The following CTNND2 variants were observed in gnomAD, a reference collection of about 807,000 sequenced individuals.
CTNND2 encodes catenin delta 2, also known as catenin delta-2.
CTNND2 carries 22 observed loss-of-function variants against 144.4 expected under a neutral mutation model. That is an observed-to-expected ratio of 0.15 (90% confidence interval 0.11 to 0.22). CTNND2 has a LOEUF of 0.22. Among genes scored for constraint, CTNND2 ranks in the 10% least tolerant of loss-of-function variants. The pLI is 1.00. For synonymous variants in CTNND2, 751 were observed against 695.6 expected (o/e 1.08, Z -1.25); for missense variants, 1,353 against 1,618.8 (o/e 0.84, Z 2.82).
chr5:11,440,958 T>C (rs1581201815), intron 3 of CTNND2, among the ~76,000 whole-genome samples: 1 of 152,206 alleles, frequency 6.6e-6, no homozygotes, highest in Non-Finnish European at 1.5e-5. Context: ...CTTAGTATCT[T>C]TCACAAAGAG....
intron 9 of CTNND2, among the ~76,000 whole-genome samples, chr5:11,260,595 G>T (rs1203459440): frequency 6.6e-6 from 1 of 152,024 alleles, no homozygotes; most frequent in Non-Finnish European, 1.5e-5. Context: ...CAGTCGAAGG[G>T]GAAAAGGCAA....
intron 3 of CTNND2, among the ~76,000 whole-genome samples, chr5:11,551,551 G>A (rs866899711): frequency 5.4e-5 from 8 of 146,920 alleles, no homozygotes; most frequent in African/African-American, 1.8e-4. Flanking sequence ...CTGAGTAGCC[G>A]GTAACTACAG....
intron 3 of CTNND2, among the ~76,000 whole-genome samples, chr5:11,497,714 TA>T (rs1770110373): frequency 6.6e-6 from 1 of 152,056 alleles, no homozygotes; most frequent in South Asian, 2.1e-4. Context: ...CTAGTGTGTA[TA>T]AGTCAGAAAT....
intron 16 of CTNND2, among the ~76,000 whole-genome samples, chr5:11,033,406 A>G (rs1469685702): frequency 6.6e-6 from 1 of 152,214 alleles, no homozygotes; most frequent in Admixed American, 6.5e-5. Context: ...AGACTGATAA[A>G]TGGAGCTCCC....
At chr5:11,136,445 G>GA (rs1561365326) in intron 12 of CTNND2, among the ~76,000 whole-genome samples, 1 of 150,024 alleles carries the variant, frequency 6.7e-6, no homozygotes, top group Admixed American at 6.6e-5. Flanking sequence ...AGGCAAGAAT[G>GA]AAAAAAGGAG....
chr5:11,354,671 C>T (rs80176329), intron 8 of CTNND2, among the ~76,000 whole-genome samples: 7,480 of 152,134 alleles, frequency 0.049, 420 homozygotes, highest in African/African-American at 0.14. Flanking sequence ...AACTTCAACC[C>T]CCCTTTAAGT....
intron 15 of CTNND2, among the ~76,000 whole-genome samples, chr5:11,093,854 G>C (rs1269666801): frequency 6.6e-6 from 1 of 151,994 alleles, no homozygotes; most frequent in African/African-American, 2.4e-5. Flanking sequence ...TTAAAAGTAA[G>C]GATTTATCTG....
intron 3 of CTNND2, among the ~76,000 whole-genome samples, chr5:11,485,374 T>TGCGCGC (rs141291357): frequency 7.1e-6 from 1 of 140,520 alleles, no homozygotes; most frequent in Non-Finnish European, 1.6e-5. Flanking sequence ...TGTGTGTGTG[T>TGCGCGC]GCGCGCGCGC....
At chr5:11,280,500 G>C (rs542557578) in intron 9 of CTNND2, among the ~76,000 whole-genome samples, 130 of 152,270 alleles carry the variant, frequency 8.5e-4, no homozygotes, top group African/African-American at 3.1e-3. Context: ...TCACATGATG[G>C]AGAGAGATCA....
chr5:11,803,637 C>G (rs929970744), intron 1 of CTNND2, among the ~76,000 whole-genome samples: 5 of 152,200 alleles, frequency 3.3e-5, no homozygotes, highest in African/African-American at 1.2e-4. Context: ...GTGACTCACA[C>G]AGCTCACGTT....
intron 3 of CTNND2, among the ~76,000 whole-genome samples, chr5:11,563,348 T>C (rs1302834052): frequency 6.6e-6 from 1 of 152,216 alleles, no homozygotes; most frequent in African/African-American, 2.4e-5. Context: ...CTATAAAATC[T>C]GGCAGGCTTA....
At chr5:11,838,218 A>G (rs542135744) in intron 1 of CTNND2, among the ~76,000 whole-genome samples, 2 of 152,218 alleles carry the variant, frequency 1.3e-5, no homozygotes, top group African/African-American at 4.8e-5. Context: ...CTCCACATTC[A>G]GGCCTTTTGT....
At chr5:11,847,189 T>C (rs1227501894) in intron 1 of CTNND2, among the ~76,000 whole-genome samples, 2 of 139,186 alleles carry the variant, frequency 1.4e-5, no homozygotes, top group Non-Finnish European at 3.1e-5. Context: ...CACCCATGTT[T>C]ACTACAGCAG....
Position 11,110,831 on chromosome 5 carries a change from C to T in CTNND2, c.2463+27G>A, listed in dbSNP as rs760961687. 50 of 1,597,530 alleles carry T rather than the reference C, an allele frequency of 3.1e-5. No homozygotes were observed. The East Asian group carries it at 1.1e-3, about 35-fold the overall frequency. ...GTTGCAATTAGGAAGGGGATAATTG[C>T]ATGCAGCTGCAAGCAGCCTGCATCA... On this transcript the variant is annotated intron_variant, in intron 14 of 21. Coordinates refer to ENST00000304623, the MANE Select transcript of CTNND2 (RefSeq NM_001332.4).
rs755277116 is a variant in CTNND2, at chr5:11,600,705, CAAAAAAAA to C, written c.175-35657_175-35650del. 1.9e-4 allele frequency among the ~76,000 whole-genome samples: 15 copies of C among 80,596 alleles called. 1 individual carries two copies. The highest frequency in any genetic ancestry group is 6.8e-4 in the African/African-American group (14 of 20,604). 52.9% of individuals were successfully genotyped at this position (80,596 alleles called of 152,430 possible). A position where few individuals can be genotyped will look rare whatever the true frequency, so the allele number is the denominator to read the frequency against. ...TGGGCAACAGAGCAAGATTCTGTCT[CAAAAAAAA>C]AAAAAAAAAAAAAATGAAGACTAGC... On this transcript the variant is annotated intron_variant, in intron 2 of 21. Transcript: ENST00000304623.
intron 12 of CTNND2, among the ~76,000 whole-genome samples, chr5:11,130,340 G>C (rs776611909): frequency 1.1e-4 from 17 of 152,088 alleles, no homozygotes; most frequent in Non-Finnish European, 2.2e-4. Context: ...ACACTGCACC[G>C]TTTTAAGACT....
At chr5:11,314,521 C>T (rs1751307002) in intron 9 of CTNND2, among the ~76,000 whole-genome samples, 1 of 152,138 alleles carries the variant, frequency 6.6e-6, no homozygotes, top group Non-Finnish European at 1.5e-5. Flanking sequence ...CGATGCCTAG[C>T]TAATTTATTA....
intron 11 of CTNND2, among the ~76,000 whole-genome samples, chr5:11,197,787 T>C (rs1469537990): frequency 6.6e-6 from 1 of 152,234 alleles, no homozygotes. Context: ...ATTTCCATTC[T>C]GTTTTAAGCC....
At chr5:11,763,863 G>A (rs1789424717) in intron 1 of CTNND2, among the ~76,000 whole-genome samples, 1 of 152,016 alleles carries the variant, frequency 6.6e-6, no homozygotes, top group Admixed American at 6.6e-5. Flanking sequence ...TCCTGACATT[G>A]CATGAAATTT....
Sources: allele counts gnomAD v4.1 joint callset (sites outside exome capture counted in the v4.1 genomes callset), GRCh38; gene constraint gnomAD v4.1.1; transcripts MANE v1.5; gene names NCBI Gene and HGNC (gene_info 2026-07-23, HGNC 2026-07-21).